HOOK3: variants seen among roughly 807,000 people sequenced by gnomAD.
The protein encoded by HOOK3 is protein Hook homolog 3.
Under a neutral mutation model 116.3 loss-of-function variants are expected in HOOK3, and 24 were observed. That is an observed-to-expected ratio of 0.21 (90% confidence interval 0.15 to 0.29). The LOEUF (loss-of-function observed/expected upper bound fraction) is 0.29. HOOK3 is among the 10% of genes least tolerant of loss of function. The pLI is 1.00. For missense variants in HOOK3, 632 were observed against 830.2 expected, an observed-to-expected ratio of 0.76 and a Z score of 2.93; for synonymous variants, 275 against 283.0, an observed-to-expected ratio of 0.97 and a Z score of 0.28.
At position 42,983,945 on chromosome 8, in the gene HOOK3, T is replaced by A. The variant is rs569296685; in HGVS notation, c.1391+1249T>A. On this transcript the variant is annotated intron_variant, in intron 14 of 21. Coordinates refer to ENST00000307602, the MANE Select transcript of HOOK3 (RefSeq NM_032410.4). ...AATGGACACTGGCCTTGCTTCTTCA[T>A]AAACTCCTTGGTGGATATTAAATAA... Among the ~76,000 whole-genome samples the A allele has an allele frequency of 1.8e-4, 27 of 152,334 alleles. No homozygotes were observed. In the South Asian group the frequency reaches 5.4e-3, roughly 30 times the overall value.
chr8:43,000,984 GC>G (rs749457384), intron 16 of HOOK3: 20 of 152,176 alleles, frequency 1.3e-4, no homozygotes, highest in Admixed American at 6.5e-4. Context: ...AATAGAGTTG[GC>G]CGGGCACAGT....
chr8:42,953,498 A>G (rs1027041864), intron 6 of HOOK3, among the ~76,000 whole-genome samples: 1 of 151,580 alleles, frequency 6.6e-6, no homozygotes, highest in Non-Finnish European at 1.5e-5. Flanking sequence ...TGGGAGCCGG[A>G]GGTTGTAGTG....
At chr8:42,941,791 G>T (rs1808132953) in intron 4 of HOOK3, among the ~76,000 whole-genome samples, 1 of 151,942 alleles carries the variant, frequency 6.6e-6, no homozygotes, top group South Asian at 2.1e-4. Flanking sequence ...GCCAAGTGTG[G>T]GGAAGGACCC....
At chr8:42,973,195 G>T in intron 11 of HOOK3, 94 bp from the exon 12 acceptor site, 1 of 1,347,772 alleles carries the variant, frequency 7.4e-7, no homozygotes, top group East Asian at 2.4e-5. Context: ...GTACTGGTGG[G>T]AGAGATTTTG....
At chr8:42,977,683 A>G (rs1316308773) in intron 13 of HOOK3, among the ~76,000 whole-genome samples, 1 of 152,072 alleles carries the variant, frequency 6.6e-6, no homozygotes, top group East Asian at 1.9e-4. Context: ...CCTGGCCAAC[A>G]TAGCAAAACT....
At chr8:43,003,224 C>A (rs920660120) in intron 17 of HOOK3, among the ~76,000 whole-genome samples, 4 of 152,118 alleles carry the variant, frequency 2.6e-5, no homozygotes, top group African/African-American at 9.7e-5. Context: ...TACTAGGATG[C>A]GAAAGAAATT....
At position 43,025,203 on chromosome 8, in the gene HOOK3, G is replaced by A. The variant is rs1181562295; in HGVS notation, c.*6705G>A. On this transcript the variant is annotated 3_prime_UTR_variant, in exon 22 of 22. Coordinates refer to ENST00000307602, the MANE Select transcript of HOOK3 (RefSeq NM_032410.4). ...TTTTCCTATGATAGATAAATATATA[G>A]ATATAGATCAGGAATTACTTGATGT... 1 of 204,680 alleles carries A rather than the reference G, an allele frequency of 4.9e-6. No homozygotes were observed. Among genetic ancestry groups the A allele is most frequent in the Non-Finnish European group, 1.0e-5 (1 of 99,964 alleles). The allele number at this position is 204,680 out of a possible 1,614,324, so 12.7% of individuals were successfully genotyped here.
intron 5 of HOOK3, among the ~76,000 whole-genome samples, chr8:42,944,044 A>G (rs889419839): frequency 2.0e-5 from 3 of 152,224 alleles, no homozygotes; most frequent in African/African-American, 7.2e-5. Flanking sequence ...TGCCTTGACT[A>G]TCTTTTAAAG....
At chr8:42,919,984 A>T (rs1046078228) in intron 2 of HOOK3, among the ~76,000 whole-genome samples, 1 of 151,966 alleles carries the variant, frequency 6.6e-6, no homozygotes, top group South Asian at 2.1e-4. Context: ...GGCATTTGAC[A>T]TAAGACAATA....
chr8:42,926,528 T>C (rs112241079), intron 3 of HOOK3, among the ~76,000 whole-genome samples: 7,208 of 152,234 alleles, frequency 0.047, 344 homozygotes, highest in African/African-American at 0.12. Flanking sequence ...TCAGGTGATC[T>C]GCCCACCTTG....
intron 2 of HOOK3, among the ~76,000 whole-genome samples, chr8:42,915,621 G>A (rs1261250770): frequency 2.6e-5 from 4 of 151,920 alleles, no homozygotes. Context: ...TAGTAGAGAC[G>A]GGGTTTCACT....
rs1245023627 is a variant in HOOK3, at chr8:43,025,135, T to C, written c.*6637T>C. Reference sequence around the variant, plus strand: ...GAAACAAGAGACCTGTACCTAATTATGGCAAGTATATGAGTTTTGGTGATT... The same window carrying C: ...GAAACAAGAGACCTGTACCTAATTACGGCAAGTATATGAGTTTTGGTGATT... On this transcript the variant is annotated 3_prime_UTR_variant, in exon 22 of 22. Coordinates refer to ENST00000307602, the MANE Select transcript of HOOK3 (RefSeq NM_032410.4). 1 of 212,020 alleles carries C rather than the reference T, an allele frequency of 4.7e-6. No homozygotes were observed. Among genetic ancestry groups the C allele is most frequent in the African/African-American group, 2.3e-5 (1 of 44,212 alleles). 13.1% of individuals were successfully genotyped at this position (212,020 alleles called of 1,614,324 possible).
intron 4 of HOOK3, 70 bp downstream of exon 4, chr8:42,930,242 G>T: frequency 1.5e-6 from 2 of 1,313,014 alleles, no homozygotes; most frequent in East Asian, 2.7e-5. Context: ...ATAGTTTCAA[G>T]TTAAGGAAAA....
At chr8:42,929,470 A>G (rs753425516) in intron 3 of HOOK3, among the ~76,000 whole-genome samples, 6 of 152,322 alleles carry the variant, frequency 3.9e-5, no homozygotes, top group South Asian at 2.1e-4. Context: ...ACTATATCAC[A>G]TACCCATTTA....
chr8:42,916,883 G>C (rs747538917), intron 2 of HOOK3, among the ~76,000 whole-genome samples: 1 of 150,316 alleles, frequency 6.7e-6, no homozygotes, highest in Non-Finnish European at 1.5e-5. Flanking sequence ...AGCTGTCTTT[G>C]CTTTGGCTCA....
In HOOK3 at chr8:42,992,992, C is replaced by G. The variant is rs572559896; in HGVS notation, c.1533-4558C>G. ...ATGTTGAGGTATGTTCCTTTTATAC[C>G]TAGTTTTTTGAGAGTTTTTATCATG... is the stretch of plus-strand genomic sequence containing the variant. On this transcript the variant is annotated intron_variant, in intron 15 of 21. Coordinates refer to ENST00000307602, the MANE Select transcript of HOOK3 (RefSeq NM_032410.4). Among the ~76,000 whole-genome samples the G allele has an allele frequency of 1.3e-3, 194 of 151,976 alleles. 2 individuals are homozygous for G. Among genetic ancestry groups the G allele is most frequent in the Admixed American group, 3.9e-3 (59 of 15,260 alleles).
At chr8:42,974,677 T>C (rs1808787066) in intron 13 of HOOK3, among the ~76,000 whole-genome samples, 1 of 152,252 alleles carries the variant, frequency 6.6e-6, no homozygotes. Context: ...CCTTTTCTTA[T>C]TGGTCCAGAT....
At chr8:42,996,782 A>G (rs1809277202) in intron 15 of HOOK3, among the ~76,000 whole-genome samples, 1 of 151,816 alleles carries the variant, frequency 6.6e-6, no homozygotes, top group Non-Finnish European at 1.5e-5. Context: ...TGCTTCTTTG[A>G]CCATCATTTT....
chr8:43,023,006 A>C lies in HOOK3; in HGVS notation c.*4508A>C, dbSNP rs1484692978. On this transcript the variant is annotated 3_prime_UTR_variant, in exon 22 of 22. Coordinates refer to ENST00000307602, the MANE Select transcript of HOOK3 (RefSeq NM_032410.4). ...CGGATCACCTGAGGTCAGGAGTTCAAGACCAGCCTGGCTAATATGGTGAAA... is the reference window on the plus strand; with the variant it reads ...CGGATCACCTGAGGTCAGGAGTTCACGACCAGCCTGGCTAATATGGTGAAA... 6.4e-6 allele frequency: 1 copy of C among 157,254 alleles called. No homozygotes were observed. The highest frequency in any genetic ancestry group is 1.4e-5 in the Non-Finnish European group (1 of 71,068). The allele number at this position is 157,254 out of a possible 1,614,324, so 9.7% of individuals were successfully genotyped here.
Sources: gnomAD v4.1 joint callset for allele counts (sites outside exome capture counted in the v4.1 genomes callset) on GRCh38, gnomAD v4.1.1 for gene constraint, MANE v1.5 for transcripts, NCBI Gene and HGNC (gene_info 2026-07-23, HGNC 2026-07-21) for gene names.